The following TRPV2 variants were observed in gnomAD, a reference collection of about 807,000 sequenced individuals.
TRPV2 encodes transient receptor potential cation channel subfamily V member 2, also known as OTRPC2.
In TRPV2, 58 loss-of-function variants were observed where a neutral mutation model predicts 91.0. The observed-to-expected ratio is 0.64, with a 90% CI of 0.52 to 0.79. TRPV2 has a LOEUF of 0.79. Ranked by LOEUF, TRPV2 falls within the 30% of genes least tolerant of loss-of-function variation. The probability of loss-of-function intolerance (pLI) is 0.00; values close to 1 mark genes in which losing one functional copy is unlikely to be tolerated. For synonymous variants in TRPV2, 417 were observed against 414.8 expected, an observed-to-expected ratio of 1.01 and a Z score of -0.06; for missense variants, 807 against 969.6, an observed-to-expected ratio of 0.83 and a Z score of 2.23.
chr17:16,421,461 G>A (rs1292747780), intron 3 of TRPV2, among the ~76,000 whole-genome samples: 15 of 150,504 alleles, frequency 1.0e-4, no homozygotes, highest in Middle Eastern at 3.5e-3. Flanking sequence ...TTCGTGATCC[G>A]CCCGCCTTGG....
intron 2 of TRPV2, chr17:16,419,520 G>C: frequency 4.8e-6 from 2 of 420,238 alleles, no homozygotes. Context: ...GTTTGGCGCT[G>C]TGTGACTTTG....
chr17:16,428,412 C>T, intron 9 of TRPV2, 25 bp downstream of exon 9: 1 of 1,611,322 alleles, frequency 6.2e-7, no homozygotes, highest in Non-Finnish European at 8.5e-7. Context: ...ACTCCTCCTT[C>T]TCTCAACTGT....
At chr17:16,427,057 G>A (rs527898619) in intron 7 of TRPV2, among the ~76,000 whole-genome samples, 180 bp downstream of exon 7, 22 of 152,290 alleles carry the variant, frequency 1.4e-4, no homozygotes, top group African/African-American at 3.9e-4. Flanking sequence ...AGTGCTCACT[G>A]TATGTGAAAA....
rs763862235 is a variant in TRPV2, at chr17:16,417,629, C to G, written c.-40C>G. The G allele has an allele frequency of 1.2e-6, 2 of 1,606,938 alleles. No individual in the cohort carries two copies. The highest frequency in any genetic ancestry group is 1.7e-6 in the Non-Finnish European group (2 of 1,174,502). ...AGGACCCTTGACATCTCCATCTGCA[C>G]AGAGGTCCTGGCTGGACCGAGCAGC... On this transcript the variant is annotated 5_prime_UTR_variant, in exon 2 of 15. Coordinates refer to ENST00000338560, the MANE Select transcript of TRPV2 (RefSeq NM_016113.5).
In TRPV2 at chr17:16,422,880, T is replaced by C. The variant is rs1426474481; in HGVS notation, c.616T>C (p.Phe206Leu). Residue 206 changes from phenylalanine to leucine, a missense_variant, in exon 4 of 15, where the codon TTT (phenylalanine) becomes CTT (leucine). Transcript: ENST00000338560. ...RFFQKGQGTC[F>L]YFGELPLSLA... ...CTTCCAGAAGGGCCAAGGGACTTGCTTTTATTTCGGTGAGTGAGCCTTTCT... is the reference window on the plus strand; with the variant it reads ...CTTCCAGAAGGGCCAAGGGACTTGCCTTTATTTCGGTGAGTGAGCCTTTCT... The C allele has an allele frequency of 6.4e-7, 1 of 1,561,750 alleles. No individual in the cohort carries two copies. Among genetic ancestry groups the C allele is most frequent in the Non-Finnish European group, 8.7e-7 (1 of 1,151,520 alleles).
chr17:16,420,106 C>A lies in TRPV2; in HGVS notation c.201-9C>A, dbSNP rs772833597. 1.5e-5 allele frequency: 24 copies of A among 1,610,904 alleles called. No homozygotes were observed. Among genetic ancestry groups the A allele is most frequent in the Non-Finnish European group, 2.0e-5 (23 of 1,177,708 alleles). The stretch of plus-strand genomic sequence containing the variant: ...CTCCAGCATGAGTCACAAACCACAT[C>A]CTCCACAGTCAGCCGGATCCAAACC... On this transcript the variant is annotated splice_polypyrimidine_tract_variant and intron_variant, in intron 2 of 14. Transcript: ENST00000338560.
chr17:16,424,053 G>A (rs895744947), intron 5 of TRPV2, among the ~76,000 whole-genome samples: 7 of 151,808 alleles, frequency 4.6e-5, no homozygotes, highest in Admixed American at 1.3e-4. Flanking sequence ...GCAATGGTGC[G>A]ACCTCGGCTC....
chr17:16,425,116 C>T (rs746091169), intron 5 of TRPV2, among the ~76,000 whole-genome samples: 27 of 150,344 alleles, frequency 1.8e-4, no homozygotes, highest in Non-Finnish European at 2.5e-4. Flanking sequence ...CCTCCGCCTC[C>T]GGAGTTCAAG....
chr17:16,417,024 G>T (rs1329002649), intron 1 of TRPV2, among the ~76,000 whole-genome samples: 1 of 152,100 alleles, frequency 6.6e-6, no homozygotes, highest in Non-Finnish European at 1.5e-5. Context: ...AGTCCCAGAG[G>T]AAAAGTCGGG....
chr17:16,417,025 A>T (rs1264319167), intron 1 of TRPV2, among the ~76,000 whole-genome samples: 1 of 152,150 alleles, frequency 6.6e-6, no homozygotes, highest in Non-Finnish European at 1.5e-5. Context: ...GTCCCAGAGG[A>T]AAAGTCGGGG....
chr17:16,433,457 G>A, intron 12 of TRPV2, 117 bp from the exon 13 acceptor site: 1 of 1,433,778 alleles, frequency 7.0e-7, no homozygotes, highest in South Asian at 1.3e-5. Context: ...GTGTTTAGTT[G>A]ACTTCGCGTT....
At position 16,435,065 on chromosome 17, in the gene TRPV2, C is replaced by T; in HGVS notation, c.2194+96C>T. 1 of 980,648 alleles carries T rather than the reference C, an allele frequency of 1.0e-6. No homozygotes were observed. Among genetic ancestry groups the T allele is most frequent in the Non-Finnish European group, 1.5e-6 (1 of 675,150 alleles). 60.7% of individuals were successfully genotyped at this position (980,648 alleles called of 1,614,324 possible). A position where few individuals can be genotyped will look rare whatever the true frequency, so the allele number is the denominator to read the frequency against. ...AGAGTCTGGGGCAGGACCCAGAGACCTCCTCATAGTCCCTTTGCAGATCCC... is the reference window on the plus strand; with the variant it reads ...AGAGTCTGGGGCAGGACCCAGAGACTTCCTCATAGTCCCTTTGCAGATCCC... On this transcript the variant is annotated intron_variant, in intron 14 of 14. Transcript: ENST00000338560. This position sits in a 1 kb window ranked among gnomAD's most constrained non-coding sequence, Gnocchi z 4.2.
intron 10 of TRPV2, among the ~76,000 whole-genome samples, chr17:16,431,275 ATATATATATATACATATTTT>A (rs1257598943): frequency 4.0e-5 from 3 of 74,806 alleles, no homozygotes; most frequent in African/African-American, 1.2e-4. Context: ...ATATATATAT[ATATATATATATACATATTTT>A]TTTTTTTTTT....
In TRPV2 at chr17:16,428,897, C is replaced by A. The variant is rs746044220; in HGVS notation, c.1502C>A (p.Ser501Tyr). The A allele has an allele frequency of 4.5e-5, 73 of 1,614,180 alleles. No individual in the cohort carries two copies. The East Asian group carries it at 1.4e-3, about 32-fold the overall frequency. The change falls in exon 10 of 15, where the codon TCT (serine) becomes TAT (tyrosine). Residue 501 changes from serine (S) to tyrosine (Y), a missense_variant. Transcript: ENST00000338560. ...AIEWYLPLLV[S>Y]ALVLGWLNLL... ...GAGTGGTACCTGCCCCTGCTTGTGT[C>A]TGCGCTGGTGCTGGGCTGGCTGAAC...
chr17:16,432,256 G>A lies in TRPV2; in HGVS notation c.1945G>A (p.Val649Ile), dbSNP rs542218735. Residue 649 changes from valine (V) to isoleucine (I), a missense_variant, in exon 12 of 15, where the codon GTC (valine) becomes ATC (isoleucine). Transcript: ENST00000338560. ...NMLIALMSET[V>I]NSVATDSWSI... ...GCTCATCGCCCTCATGAGCGAGACC[G>A]TCAACAGTGTCGCCACTGACAGCTG... 2.8e-5 allele frequency: 45 copies of A among 1,611,964 alleles called. No individual in the cohort carries two copies. In the East Asian group the frequency reaches 7.1e-4, roughly 26 times the overall value.
In TRPV2 at chr17:16,420,215, A is replaced by G. The variant is rs1380313863; in HGVS notation, c.301A>G (p.Thr101Ala). Reference protein sequence around the residue: ...LAGLPEYLSKTSKYLTDSEYT... With the variant: ...LAGLPEYLSKASKYLTDSEYT... ...TGGACTTCCAGAGTACCTGAGCAAGACCAGCAAGTACCTCACCGACTCGGA... is the reference window on the plus strand; with the variant it reads ...TGGACTTCCAGAGTACCTGAGCAAGGCCAGCAAGTACCTCACCGACTCGGA... The change falls in exon 3 of 15, where the codon ACC becomes GCC. Residue 101 changes from threonine to alanine, a missense_variant. Thr to Ala is a moderately conservative substitution (Grantham distance 58, BLOSUM62 0). Transcript: ENST00000338560. 6.2e-7 allele frequency: 1 copy of G among 1,614,014 alleles called. No individual in the cohort carries two copies. Among genetic ancestry groups the G allele is most frequent in the Non-Finnish European group, 8.5e-7 (1 of 1,179,900 alleles).
chr17:16,434,064 G>T (rs1176223770), intron 13 of TRPV2, among the ~76,000 whole-genome samples: 2 of 152,100 alleles, frequency 1.3e-5, no homozygotes, highest in Non-Finnish European at 2.9e-5. Flanking sequence ...CCCCAATTCT[G>T]CCAGCCTGAT....
chr17:16,421,394 T>TG (rs938916486), intron 3 of TRPV2, among the ~76,000 whole-genome samples: 2 of 151,754 alleles, frequency 1.3e-5, no homozygotes, highest in African/African-American at 4.8e-5. Context: ...TTTTTTGTAT[T>TG]TTTTTAGTAG....
Position 16,417,694 on chromosome 17 carries a change from T to A in TRPV2, c.26T>A (p.Val9Asp), listed in dbSNP as rs753965667. 2 of 1,614,056 alleles carry A rather than the reference T, an allele frequency of 1.2e-6. No homozygotes were observed. Among genetic ancestry groups the A allele is most frequent in the Non-Finnish European group, 1.7e-6 (2 of 1,180,010 alleles). Reference sequence around the variant, plus strand: ...ATGACCTCACCCTCCAGCTCTCCAGTTTTCAGGTTGGAGACATTAGATGGA... The same window carrying A: ...ATGACCTCACCCTCCAGCTCTCCAGATTTCAGGTTGGAGACATTAGATGGA... MTSPSSSP[V>D]FRLETLDGGQ... The change falls in exon 2 of 15, where the codon GTT becomes GAT. Residue 9 changes from valine (V) to aspartate (D), a missense_variant. By Grantham distance (152) the Val-to-Asp change is radical. Coordinates refer to ENST00000338560, the MANE Select transcript of TRPV2 (RefSeq NM_016113.5).
Sources: gnomAD v4.1 joint callset for allele counts (sites outside exome capture counted in the v4.1 genomes callset) on GRCh38, gnomAD v4.1.1 for gene constraint, Gnocchi (gnomAD v3.1) non-coding constraint, MANE v1.5 for transcripts, NCBI Gene and HGNC (gene_info 2026-07-23, HGNC 2026-07-21) for gene names.